Variants in OTUD4 observed in about 807,000 individuals in gnomAD.
The protein encoded by OTUD4 is OTU deubiquitinase 4.
In OTUD4, 24 loss-of-function variants were observed where a neutral mutation model predicts 130.4. The observed-to-expected ratio is 0.18, with a 90% confidence interval of 0.13 to 0.26. The LOEUF is 0.26. Among genes scored for constraint, OTUD4 ranks in the 10% least tolerant of loss-of-function variants. OTUD4 has a pLI of 1.00. For synonymous variants in OTUD4, 420 were observed against 472.5 expected, an observed-to-expected ratio of 0.89 and a Z score of 1.44; for missense variants, 1,031 against 1,329.4, an observed-to-expected ratio of 0.78 and a Z score of 3.49.
At position 145,180,089 on chromosome 4, in the gene OTUD4, C is replaced by T; in HGVS notation, c.-116G>A. 1.2e-6 allele frequency: 1 copy of T among 826,154 alleles called. No individual in the cohort carries two copies. Among genetic ancestry groups the T allele is most frequent in the Non-Finnish European group, 1.5e-6 (1 of 658,370 alleles). The allele number at this position is 826,154 out of a possible 1,614,324, so 51.2% of individuals were successfully genotyped here. On this transcript the variant is annotated 5_prime_UTR_variant, in exon 1 of 21. Transcript: ENST00000447906. ...GGCGGCTCGGGCTGGGGCTCGGGCT[C>T]CGCGAGCGGCGGCAGGCGGCGGCGG...
At chr4:145,171,601 T>C in intron 3 of OTUD4, 69 bp downstream of exon 3, 1 of 742,448 alleles carries the variant, frequency 1.3e-6, no homozygotes, top group Non-Finnish European at 2.4e-6. Context: ...TAATCTTCTA[T>C]TTTAATGAAT....
chr4:145,175,383 T>C (rs537412507), intron 1 of OTUD4, among the ~76,000 whole-genome samples: 2 of 152,146 alleles, frequency 1.3e-5, no homozygotes, highest in Non-Finnish European at 2.9e-5. Context: ...TGGGGTTTGT[T>C]TTTATGCCCT....
At chr4:145,174,275 T>C (rs1752318786) in intron 2 of OTUD4, among the ~76,000 whole-genome samples, 1 of 152,002 alleles carries the variant, frequency 6.6e-6, no homozygotes, top group Non-Finnish European at 1.5e-5. Context: ...CCAGACTGAA[T>C]TTTTTTTCTT....
chr4:145,154,285 G>A lies in OTUD4; in HGVS notation c.873+1126C>T, dbSNP rs567741101. Among the ~76,000 whole-genome samples, 170 of 152,108 alleles carry A rather than the reference G, an allele frequency of 1.1e-3. 1 individual carries two copies. The highest frequency in any genetic ancestry group is 2.0e-3 in the Non-Finnish European group (133 of 68,012). On this transcript the variant is annotated intron_variant, in intron 10 of 20. Coordinates refer to ENST00000447906, the MANE Select transcript of OTUD4 (RefSeq NM_001366057.1). Reference sequence around the variant, plus strand: ...GAGCAGATTTATGACAATCCCATAAGGCAGTACCTGAATGAATCATGTTCT... The same window carrying A: ...GAGCAGATTTATGACAATCCCATAAAGCAGTACCTGAATGAATCATGTTCT...
chr4:145,158,456 T>C (rs757014904), intron 7 of OTUD4, among the ~76,000 whole-genome samples: 4 of 149,830 alleles, frequency 2.7e-5, no homozygotes, highest in Non-Finnish European at 4.4e-5. Context: ...CACTCCAGCC[T>C]GAGCAACAGT....
intron 10 of OTUD4, 41 bp from the exon 11 acceptor site, chr4:145,152,676 G>T: frequency 1.8e-6 from 2 of 1,099,406 alleles, no homozygotes; most frequent in Admixed American, 1.9e-5. Flanking sequence ...AAAAAAATCA[G>T]TCACCTGCTT....
intron 3 of OTUD4, 100 bp from the exon 4 acceptor site, chr4:145,165,297 C>A: frequency 1.5e-6 from 1 of 672,978 alleles, no homozygotes; most frequent in Non-Finnish European, 2.6e-6. Context: ...GTAATGAGTT[C>A]TTAAAGCTCA....
intron 7 of OTUD4, among the ~76,000 whole-genome samples, chr4:145,157,411 G>T (rs1331658602): frequency 6.6e-6 from 1 of 152,152 alleles, no homozygotes; most frequent in Admixed American, 6.5e-5. Flanking sequence ...TTACAAAAAA[G>T]GCCGCAGAGG....
In OTUD4 at chr4:145,165,142, A is replaced by G. The variant is rs1387342289; in HGVS notation, c.341+9T>C. 2.0e-6 allele frequency: 3 copies of G among 1,520,938 alleles called. No individual in the cohort carries two copies. Among genetic ancestry groups the G allele is most frequent in the South Asian group, 2.4e-5 (2 of 84,310 alleles). The allele number at this position is 1,520,938 out of a possible 1,614,324, so 94.2% of individuals were successfully genotyped here. A position where few individuals can be genotyped will look rare whatever the true frequency, so the allele number is the denominator to read the frequency against. ...CATTTTCTTTTACTTATGTTATTAC[A>G]GTGTTTACCTGTACATAAGAGAAAG... On this transcript the variant is annotated intron_variant, in intron 4 of 20. Transcript: ENST00000447906.
rs36226298 is a variant in OTUD4, at chr4:145,150,795, C to G, written c.1072+7G>C. 8,367 of 1,610,764 alleles carry G rather than the reference C, an allele frequency of 5.2e-3. 27 individuals carry two copies. Among genetic ancestry groups the G allele is most frequent in the Non-Finnish European group, 6.2e-3 (7,291 of 1,177,156 alleles). ...CCCAAAGGAATGATAGCTTGATGTG[C>G]TCCTACCAGAATGGAAATTTTGTCC... On this transcript the variant is annotated splice_region_variant and intron_variant, in intron 12 of 20. Transcript: ENST00000447906.
Position 145,146,315 on chromosome 4 carries a change from T to C in OTUD4, c.1374A>G (p.Leu458=), listed in dbSNP as rs200008317. 348 of 1,590,412 alleles carry C rather than the reference T, an allele frequency of 2.2e-4. No homozygotes were observed. Among genetic ancestry groups the C allele is most frequent in the African/African-American group, 3.1e-4 (23 of 73,642 alleles). The change falls in exon 14 of 21, where the codon TTA becomes TTG. Residue 458 remains leucine (L), a synonymous_variant. Coordinates refer to ENST00000447906, the MANE Select transcript of OTUD4 (RefSeq NM_001366057.1). The stretch of plus-strand genomic sequence containing the variant: ...CATCTCTGTTCTGAATCTCATAGAG[T>C]AAACGGGATTCTTCTATAGCTTGCT... ...REKQAIEESR[L]LYEIQNRDEQ...
chr4:145,175,889 C>T (rs1752396140), intron 1 of OTUD4, among the ~76,000 whole-genome samples: 1 of 151,706 alleles, frequency 6.6e-6, no homozygotes, highest in Non-Finnish European at 1.5e-5. Flanking sequence ...TAGCTAGCTC[C>T]CAATTCTTTT....
At chr4:145,154,740 T>C (rs913333019) in intron 10 of OTUD4, among the ~76,000 whole-genome samples, 4 of 152,066 alleles carry the variant, frequency 2.6e-5, no homozygotes, top group African/African-American at 7.3e-5. Context: ...TGTAGAATGT[T>C]TGGCCACAGC....
intron 5 of OTUD4, 33 bp from the exon 6 acceptor site, chr4:145,162,754 C>A (rs748357919): frequency 3.6e-6 from 4 of 1,104,504 alleles, no homozygotes; most frequent in African/African-American, 1.6e-5. Flanking sequence ...ACATTTCAGC[C>A]CCTCATACAT....
chr4:145,172,657 G>C (rs957493191), intron 2 of OTUD4, among the ~76,000 whole-genome samples: 2 of 152,098 alleles, frequency 1.3e-5, no homozygotes, highest in African/African-American at 4.8e-5. Flanking sequence ...ATACTCCCTT[G>C]TCTATAAAAT....
At chr4:145,171,447 G>A (rs1051651606) in intron 3 of OTUD4, 2 of 428,920 alleles carry the variant, frequency 4.7e-6, no homozygotes, top group Non-Finnish European at 8.3e-6. Flanking sequence ...TGCCATTATA[G>A]CCAAGATAAA....
chr4:145,138,688 A>G lies in OTUD4; in HGVS notation c.2125-38T>C, dbSNP rs1750406082. ...AAAACAGTTAAATAAACAAAAGAGGAGAAAAAAGAGAGGTTTGGGTGGATA... is the reference window on the plus strand; with the variant it reads ...AAAACAGTTAAATAAACAAAAGAGGGGAAAAAAGAGAGGTTTGGGTGGATA... On this transcript the variant is annotated intron_variant, in intron 20 of 20. Coordinates refer to ENST00000447906, the MANE Select transcript of OTUD4 (RefSeq NM_001366057.1). The G allele has an allele frequency of 2.6e-6, 4 of 1,550,706 alleles. No homozygotes were observed. The South Asian group carries it at 5.0e-5, about 20-fold the overall frequency.
rs562537582 is a variant in OTUD4 at position 145,143,985 on chromosome 4, A to G, written c.1563T>C (p.His521=). Residue 521 remains histidine, a synonymous_variant, in exon 16 of 21, where the codon CAT becomes CAC. Transcript: ENST00000447906. ...ERKDKDSIHG[H]SQLDKRPEPS... ...GTTCGGGTCTTTTATCCAACTGACT[A>G]TGTCCATGAATAGAGTCTATAGCAG... 1.2e-6 allele frequency: 2 copies of G among 1,612,640 alleles called. No individual in the cohort carries two copies. The highest frequency in any genetic ancestry group is 8.5e-7 in the Non-Finnish European group (1 of 1,178,774).
At chr4:145,178,248 T>C (rs1033311719) in intron 1 of OTUD4, 1 of 152,188 alleles carries the variant, frequency 6.6e-6, no homozygotes, top group Non-Finnish European at 1.5e-5. Context: ...ATCTATGGTA[T>C]GCACTACGGA....
Sources: allele counts gnomAD v4.1 joint callset (sites outside exome capture counted in the v4.1 genomes callset), GRCh38; gene constraint gnomAD v4.1.1; transcripts MANE v1.5; gene names NCBI Gene and HGNC (gene_info 2026-07-23, HGNC 2026-07-21).